CAMK1D: variants seen among roughly 807,000 people sequenced by gnomAD.
CAMK1D encodes calcium/calmodulin dependent protein kinase ID.
In CAMK1D, 9 loss-of-function variants were observed where a neutral mutation model predicts 47.7. The ratio of observed to expected loss-of-function variants is 0.19; its 90% confidence interval spans 0.11 to 0.33. CAMK1D has a LOEUF of 0.33. Ranked by LOEUF, CAMK1D falls within the 10% of genes least tolerant of loss-of-function variation. The pLI is 1.00. For synonymous variants in CAMK1D, 184 were observed against 184.9 expected (o/e 0.99, Z 0.04); for missense variants, 291 against 488.7 (o/e 0.60, Z 3.81).
Position 12,678,577 on chromosome 10 carries a change from G to T in CAMK1D, c.299+11767G>T, listed in dbSNP as rs138261996. ...TTGGTTGTTCCATCCATTATTGAAA[G>T]TGGGGTATTGAAGTCTTGTAGAGCT... On this transcript the variant is annotated intron_variant, in intron 3 of 10. Coordinates refer to ENST00000619168, the MANE Select transcript of CAMK1D (RefSeq NM_153498.4). 2.3e-3 allele frequency among the ~76,000 whole-genome samples: 343 copies of T among 152,296 alleles called. 2 individuals are homozygous for T. The highest frequency in any genetic ancestry group is 7.8e-3 in the African/African-American group (325 of 41,550).
At chr10:12,706,609 G>A (rs955626386) in intron 3 of CAMK1D, among the ~76,000 whole-genome samples, 3 of 152,118 alleles carry the variant, frequency 2.0e-5, no homozygotes, top group African/African-American at 7.2e-5. Flanking sequence ...CAGCTACCTG[G>A]GAGGCTGAGG....
intron 1 of CAMK1D, among the ~76,000 whole-genome samples, chr10:12,499,702 G>C (rs1003743632): frequency 2.0e-5 from 3 of 152,236 alleles, no homozygotes; most frequent in African/African-American, 7.2e-5. Flanking sequence ...TGAAGAACAA[G>C]GTCATTGGTT....
intron 1 of CAMK1D, among the ~76,000 whole-genome samples, chr10:12,496,496 C>T (rs1004799795): frequency 6.6e-6 from 1 of 152,022 alleles, no homozygotes; most frequent in Non-Finnish European, 1.5e-5. Flanking sequence ...GAAGAAGGGG[C>T]CCAGAGCTGA....
intron 8 of CAMK1D, among the ~76,000 whole-genome samples, chr10:12,821,098 C>G (rs1832996368): frequency 6.6e-6 from 1 of 152,194 alleles, no homozygotes; most frequent in African/African-American, 2.4e-5. Flanking sequence ...GCCAGGGCAG[C>G]AGGCTGGAGA....
At chr10:12,554,256 C>A (rs1215231480) in intron 2 of CAMK1D, among the ~76,000 whole-genome samples, 1 of 73,542 alleles carries the variant, frequency 1.4e-5, no homozygotes, top group Non-Finnish European at 4.0e-5. Context: ...CTCCTGGCTT[C>A]AAGCGATTCT....
intron 1 of CAMK1D, among the ~76,000 whole-genome samples, chr10:12,481,666 C>T (rs994409290): frequency 6.6e-6 from 1 of 152,168 alleles, no homozygotes; most frequent in Non-Finnish European, 1.5e-5. Flanking sequence ...TGTACCACCA[C>T]GCCCGGCTAA....
intron 2 of CAMK1D, among the ~76,000 whole-genome samples, chr10:12,625,363 A>G (rs984181434): frequency 6.6e-6 from 1 of 150,450 alleles, no homozygotes; most frequent in African/African-American, 2.5e-5. Flanking sequence ...AAAAGTAAAG[A>G]AACAGTTATC....
chr10:12,398,186 C>T (rs1481218712), intron 1 of CAMK1D, among the ~76,000 whole-genome samples: 1 of 152,134 alleles, frequency 6.6e-6, no homozygotes, highest in East Asian at 1.9e-4. Flanking sequence ...TCTTTAACCA[C>T]TGGAATTTCT....
At chr10:12,531,864 A>G (rs542196744) in intron 1 of CAMK1D, among the ~76,000 whole-genome samples, 3 of 152,366 alleles carry the variant, frequency 2.0e-5, no homozygotes, top group Admixed American at 1.3e-4. Context: ...ACAGCAAATA[A>G]CTGCTAAATG....
intron 1 of CAMK1D, among the ~76,000 whole-genome samples, chr10:12,395,875 C>A (rs575365860): frequency 6.6e-6 from 1 of 151,622 alleles, no homozygotes; most frequent in Non-Finnish European, 1.5e-5. Flanking sequence ...TGCTGTGGGC[C>A]GTGATTGCAC....
chr10:12,610,447 A>G (rs1838586293), intron 2 of CAMK1D, among the ~76,000 whole-genome samples: 1 of 152,134 alleles, frequency 6.6e-6, no homozygotes, highest in Admixed American at 6.6e-5. Flanking sequence ...CAGCAGATGT[A>G]TCTGCTTCCA....
At chr10:12,414,564 A>T (rs1445028020) in intron 1 of CAMK1D, among the ~76,000 whole-genome samples, 1 of 152,100 alleles carries the variant, frequency 6.6e-6, no homozygotes, top group African/African-American at 2.4e-5. Flanking sequence ...AACTTTTTAC[A>T]GTTTTCTCGA....
chr10:12,647,647 A>G (rs1174490441), intron 2 of CAMK1D, among the ~76,000 whole-genome samples: 1 of 152,158 alleles, frequency 6.6e-6, no homozygotes, highest in Non-Finnish European at 1.5e-5. Flanking sequence ...CCATTCTTAG[A>G]CCTGGGTAAG....
chr10:12,428,635 T>A (rs1410019884), intron 1 of CAMK1D, among the ~76,000 whole-genome samples: 4 of 152,218 alleles, frequency 2.6e-5, no homozygotes, highest in African/African-American at 9.6e-5. Context: ...ATCTGGGCAC[T>A]GTCCCATGTC....
chr10:12,781,059 G>A lies in CAMK1D; in HGVS notation c.566-10099G>A, dbSNP rs192103861. Among the ~76,000 whole-genome samples the A allele has an allele frequency of 2.0e-4, 31 of 152,322 alleles. 1 individual carries two copies. The East Asian group carries it at 5.8e-3, about 28-fold the overall frequency. On this transcript the variant is annotated intron_variant, in intron 5 of 10. Transcript: ENST00000619168. ...CCACACATGGCAGTCCCACAGAGTC[G>A]CTCTGAACACAGTGTTTTTAAGGCA...
At chr10:12,752,746 G>T (rs77272425) in intron 3 of CAMK1D, among the ~76,000 whole-genome samples, 2 of 152,108 alleles carry the variant, frequency 1.3e-5, no homozygotes, top group Admixed American at 1.3e-4. Flanking sequence ...ATTGTTCTCC[G>T]TAAGTTTTTA....
chr10:12,558,808 GCTGTT>G (rs1836846652), intron 2 of CAMK1D, among the ~76,000 whole-genome samples: 1 of 152,160 alleles, frequency 6.6e-6, no homozygotes, highest in Admixed American at 6.5e-5. Context: ...AATTCAACAT[GCTGTT>G]CTGATGCCTG....
chr10:12,787,618 C>T (rs146732065), intron 5 of CAMK1D, among the ~76,000 whole-genome samples: 93 of 152,352 alleles, frequency 6.1e-4, no homozygotes, highest in African/African-American at 2.0e-3. Flanking sequence ...TTGGAGGCAC[C>T]GCAGCTTCCT....
intron 10 of CAMK1D, among the ~76,000 whole-genome samples, chr10:12,828,511 A>T (rs796738709): frequency 6.6e-6 from 1 of 151,828 alleles, no homozygotes. Context: ...CGTGGTGGTG[A>T]GCCCCTGTAA....
Sources: allele counts gnomAD v4.1 joint callset (sites outside exome capture counted in the v4.1 genomes callset), GRCh38; gene constraint gnomAD v4.1.1; transcripts MANE v1.5; gene names NCBI Gene and HGNC (gene_info 2026-07-23, HGNC 2026-07-21).